The following NARS2 variants were observed in gnomAD, a reference collection of about 807,000 sequenced individuals.
The protein encoded by NARS2 is asparaginyl-tRNA synthetase 2, mitochondrial.
NARS2 carries 60 observed loss-of-function variants against 62.9 expected under a neutral mutation model. The observed-to-expected ratio is 0.95, with a 90% CI of 0.77 to 1.18. NARS2 has a LOEUF of 1.18. Among genes scored for constraint, NARS2 ranks in the 50% most tolerant of loss-of-function variants. NARS2 has a pLI of 0.00. For synonymous variants in NARS2, 196 were observed against 200.0 expected (o/e 0.98, Z 0.17); for missense variants, 619 against 576.4 (o/e 1.07, Z -0.76).
At chr11:78,571,631 G>T in intron 1 of NARS2, 187 bp from the exon 2 acceptor site, 1 of 483,726 alleles carries the variant, frequency 2.1e-6, no homozygotes, top group Non-Finnish European at 3.7e-6. Flanking sequence ...ACACACTTTG[G>T]TATTCTATCT....
At chr11:78,517,213 G>A (rs1860946992) in intron 6 of NARS2, among the ~76,000 whole-genome samples, 1 of 152,200 alleles carries the variant, frequency 6.6e-6, no homozygotes, top group Non-Finnish European at 1.5e-5. Context: ...TATGGAACAA[G>A]AATTTAGAAT....
intron 3 of NARS2, among the ~76,000 whole-genome samples, chr11:78,568,192 G>A (rs1856805696): frequency 6.6e-6 from 1 of 152,190 alleles, no homozygotes; most frequent in Non-Finnish European, 1.5e-5. Context: ...CAACTACTGA[G>A]CACTTGAAAT....
intron 4 of NARS2, among the ~76,000 whole-genome samples, chr11:78,561,058 A>T (rs1459701611): frequency 6.6e-6 from 1 of 152,232 alleles, no homozygotes; most frequent in Non-Finnish European, 1.5e-5. Flanking sequence ...CAAATGCCAC[A>T]AGAAACAGCA....
At chr11:78,484,618 C>A (rs1382874190) in intron 7 of NARS2, among the ~76,000 whole-genome samples, 1 of 151,974 alleles carries the variant, frequency 6.6e-6, no homozygotes, top group Non-Finnish European at 1.5e-5. Flanking sequence ...ATGCAGCCAA[C>A]AAACATACGA....
intron 7 of NARS2, among the ~76,000 whole-genome samples, chr11:78,479,348 A>G (rs1463620736): frequency 6.6e-6 from 1 of 152,134 alleles, no homozygotes; most frequent in Non-Finnish European, 1.5e-5. Context: ...TACAAAAATA[A>G]AAAGAAAAAT....
chr11:78,463,502 A>C (rs917825034), intron 11 of NARS2, among the ~76,000 whole-genome samples: 1 of 152,188 alleles, frequency 6.6e-6, no homozygotes, highest in Non-Finnish European at 1.5e-5. Context: ...CCTGGCCAAC[A>C]TGGTGAAACC....
At chr11:78,466,351 C>T (rs780959997) in intron 10 of NARS2, among the ~76,000 whole-genome samples, 11 of 144,368 alleles carry the variant, frequency 7.6e-5, no homozygotes, top group Non-Finnish European at 1.5e-4. Flanking sequence ...AAAAACCTGA[C>T]TTCAGAATCA....
intron 7 of NARS2, among the ~76,000 whole-genome samples, chr11:78,482,075 T>C (rs979332508): frequency 5.9e-5 from 9 of 152,178 alleles, no homozygotes; most frequent in African/African-American, 1.9e-4. Context: ...CAGAAACCTT[T>C]GTGTGTAATT....
Position 78,478,625 on chromosome 11 carries a change from T to A in NARS2, c.881A>T (p.Asp294Val). The change falls in exon 8 of 14, where the codon GAT becomes GTT. Residue 294 changes from aspartate (D) to valine (V), a missense_variant. Asp to Val is a radical substitution (Grantham distance 152). Coordinates refer to ENST00000281038, the MANE Select transcript of NARS2 (RefSeq NM_024678.6). ...TMMVLSKCPE[D>V]VELCHKFIAP... Reference sequence around the variant, plus strand: ...TATGAATTTGTGACAGAGTTCAACATCTTCAGGACATTTTGAGAGAACCAT... The same window carrying A: ...TATGAATTTGTGACAGAGTTCAACAACTTCAGGACATTTTGAGAGAACCAT... 6.2e-7 allele frequency: 1 copy of A among 1,612,040 alleles called. No individual in the cohort carries two copies. The highest frequency in any genetic ancestry group is 8.5e-7 in the Non-Finnish European group (1 of 1,178,846).
Position 78,440,940 on chromosome 11 carries a change from T to C in NARS2, c.1289+151A>G, listed in dbSNP as rs575896409. The C allele has an allele frequency of 2.1e-4, 137 of 639,298 alleles. No individual in the cohort carries two copies. In the African/African-American group the frequency reaches 2.3e-3, roughly 11 times the overall value. The allele number at this position is 639,298 out of a possible 1,614,324, so 39.6% of individuals were successfully genotyped here. A position where few individuals can be genotyped will look rare whatever the true frequency, so the allele number is the denominator to read the frequency against. Reference sequence around the variant, plus strand: ...AACCCAAAGGAAGTAAGTAATCTTCTGAGCCCCCAACCCCTTCCCTGACCT... The same window carrying C: ...AACCCAAAGGAAGTAAGTAATCTTCCGAGCCCCCAACCCCTTCCCTGACCT... On this transcript the variant is annotated intron_variant, in intron 13 of 13. Transcript: ENST00000281038.
chr11:78,562,047 A>C (rs1296411316), intron 4 of NARS2, among the ~76,000 whole-genome samples: 1 of 152,122 alleles, frequency 6.6e-6, no homozygotes, highest in Non-Finnish European at 1.5e-5. Flanking sequence ...AACAAAAAAC[A>C]AAAAACAAAA....
intron 6 of NARS2, among the ~76,000 whole-genome samples, chr11:78,494,331 C>A (rs139972562): frequency 6.6e-6 from 1 of 152,140 alleles, no homozygotes; most frequent in Non-Finnish European, 1.5e-5. Context: ...TAGAACAAAG[C>A]AAGCTGTTTG....
At chr11:78,443,274 C>A (rs1857634537) in intron 12 of NARS2, among the ~76,000 whole-genome samples, 1 of 148,600 alleles carries the variant, frequency 6.7e-6, no homozygotes. Context: ...TTGCAGTGAG[C>A]CAAGATCGCG....
chr11:78,562,266 A>AG (rs1856582490), intron 4 of NARS2, among the ~76,000 whole-genome samples: 2 of 151,824 alleles, frequency 1.3e-5, no homozygotes, highest in South Asian at 4.2e-4. Flanking sequence ...TCTACAAAAA[A>AG]TACATTAAAA....
At chr11:78,438,322 TCA>T (rs1857474492) in intron 13 of NARS2, among the ~76,000 whole-genome samples, 1 of 152,192 alleles carries the variant, frequency 6.6e-6, no homozygotes, top group Non-Finnish European at 1.5e-5. Flanking sequence ...GGAGGCACAT[TCA>T]GTTATTCAGT....
intron 8 of NARS2, 50 bp from the exon 9 acceptor site, chr11:78,478,525 T>C: frequency 7.9e-7 from 1 of 1,263,824 alleles, no homozygotes; most frequent in Non-Finnish European, 1.1e-6. Context: ...TTTTATTCAT[T>C]ATGTATAATT....
At chr11:78,543,739 T>C (rs1206451892) in intron 5 of NARS2, among the ~76,000 whole-genome samples, 1 of 152,028 alleles carries the variant, frequency 6.6e-6, no homozygotes, top group African/African-American at 2.4e-5. Context: ...TTTCTAAATA[T>C]ATCCAGAATC....
At position 78,574,417 on chromosome 11, in the gene NARS2, A is replaced by C. The variant is rs138923107; in HGVS notation, c.72T>G (p.Pro24=). Reference sequence around the variant, plus strand: ...CGTCCCGCACGCTCAGTTTGGCTGAAGGTTTGTGCTTGGGGAAGGGGGCGG... The same window carrying C: ...CGTCCCGCACGCTCAGTTTGGCTGACGGTTTGTGCTTGGGGAAGGGGGCGG... ...CSSAPFPKHK[P]SAKLSVRDAL... is the part of the protein sequence containing the mutation. The change falls in exon 1 of 14, where the codon CCT becomes CCG. Residue 24 remains proline, a synonymous_variant. Transcript: ENST00000281038. The C allele has an allele frequency of 5.5e-5, 89 of 1,614,162 alleles. No homozygotes were observed. In the African/African-American group the frequency reaches 8.0e-4, roughly 15 times the overall value.
chr11:78,539,390 G>A (rs1855522356), intron 5 of NARS2, among the ~76,000 whole-genome samples: 1 of 152,118 alleles, frequency 6.6e-6, no homozygotes. Context: ...CTGACATCTA[G>A]ATTTTTTACT....
Sources: gnomAD v4.1 joint callset for allele counts (sites outside exome capture counted in the v4.1 genomes callset) on GRCh38, gnomAD v4.1.1 for gene constraint, MANE v1.5 for transcripts, NCBI Gene and HGNC (gene_info 2026-07-23, HGNC 2026-07-21) for gene names.